Variants in SENP1 observed in about 807,000 individuals in gnomAD.
SENP1 encodes SUMO specific peptidase 1.
Under a neutral mutation model 93.0 loss-of-function variants are expected in SENP1, and 21 were observed. The observed-to-expected ratio is 0.23, with a 90% CI of 0.16 to 0.33. The LOEUF (loss-of-function observed/expected upper bound fraction) is 0.33, where lower values mean the gene tolerates loss of function less well. Ranked by LOEUF, SENP1 falls within the 10% of genes least tolerant of loss-of-function variation. The pLI is 1.00. For missense variants in SENP1, 591 were observed against 758.7 expected (o/e 0.78, Z 2.60); for synonymous variants, 256 against 259.6 (o/e 0.99, Z 0.13).
chr12:48,100,015 G>A (rs373768591), intron 2 of SENP1, among the ~76,000 whole-genome samples: 169 of 152,246 alleles, frequency 1.1e-3, no homozygotes, highest in Non-Finnish European at 2.0e-3. Flanking sequence ...TCAGCAATGA[G>A]AGAAAATGGA....
intron 13 of SENP1, among the ~76,000 whole-genome samples, chr12:48,051,000 C>T (rs186502987): frequency 1.3e-5 from 2 of 150,170 alleles, no homozygotes; most frequent in Admixed American, 6.7e-5. Flanking sequence ...GAGATAAGGA[C>T]GGTGAAGCAC....
chr12:48,089,182 C>A, intron 4 of SENP1: 1 of 1,522,544 alleles, frequency 6.6e-7, no homozygotes, highest in Non-Finnish European at 8.8e-7. Flanking sequence ...GATGAAGGAG[C>A]TGAATCCTGC....
In SENP1 at chr12:48,104,269, G is replaced by C. The variant is rs958990338; in HGVS notation, c.-45+1759C>G. ...GAGAGAGAGAGACGGGGGGGGGGGG[G>C]GGGGCGGAGGGAGGGAGAGAGAGAG... On this transcript the variant is annotated intron_variant, in intron 1 of 17. Transcript: ENST00000549518. Among the ~76,000 whole-genome samples, 40 of 75,362 alleles carry C rather than the reference G, an allele frequency of 5.3e-4. 4 individuals are homozygous for C. In the East Asian group the frequency reaches 7.4e-3, roughly 14 times the overall value. 49.4% of individuals were successfully genotyped at this position (75,362 alleles called of 152,430 possible).
chr12:48,043,170 T>C lies in SENP1; in HGVS notation c.*2152A>G, dbSNP rs1941107159. On this transcript the variant is annotated 3_prime_UTR_variant, in exon 18 of 18. Transcript: ENST00000549518. ...ACTTCTACCTTGTGCAAAACTGCAT[T>C]AGTCAGAAAGGGGGCCCAAATTCAG... 6.6e-6 allele frequency: 1 copy of C among 152,618 alleles called. No homozygotes were observed. Among genetic ancestry groups the C allele is most frequent in the South Asian group, 2.1e-4 (1 of 4,830 alleles). The allele number at this position is 152,618 out of a possible 1,614,324, so 9.5% of individuals were successfully genotyped here.
intron 9 of SENP1, among the ~76,000 whole-genome samples, chr12:48,071,232 C>T (rs763785719): frequency 8.6e-4 from 131 of 152,182 alleles, no homozygotes; most frequent in Middle Eastern, 6.8e-3. Context: ...TCAAGTAATA[C>T]GTGAGAAAGG....
intron 1 of SENP1, 189 bp downstream of exon 1, chr12:48,105,839 C>G: frequency 1.7e-6 from 1 of 597,022 alleles, no homozygotes; most frequent in Non-Finnish European, 3.0e-6. Context: ...GCGGCCACAG[C>G]GCGGCCACCG....
At chr12:48,089,314 C>T in intron 4 of SENP1, 1 of 1,354,914 alleles carries the variant, frequency 7.4e-7, no homozygotes, top group Non-Finnish European at 9.7e-7. Context: ...GTAGGCCAGA[C>T]CAGTAAGAAA....
intron 8 of SENP1, among the ~76,000 whole-genome samples, chr12:48,072,675 G>A (rs1052688437): frequency 1.3e-5 from 2 of 151,960 alleles, no homozygotes; most frequent in Admixed American, 6.6e-5. Flanking sequence ...AAGTGAAAAG[G>A]TTAAAGTTTT....
chr12:48,062,225 G>A (rs1943004779), intron 13 of SENP1, among the ~76,000 whole-genome samples: 1 of 152,124 alleles, frequency 6.6e-6, no homozygotes, highest in South Asian at 2.1e-4. Flanking sequence ...TAGAGTAACT[G>A]ACCTCGCACC....
At chr12:48,059,462 T>C (rs973847515) in intron 13 of SENP1, among the ~76,000 whole-genome samples, 7 of 152,196 alleles carry the variant, frequency 4.6e-5, no homozygotes, top group African/African-American at 1.7e-4. Flanking sequence ...TATCTTCCAT[T>C]TCTCTCCTCA....
intron 2 of SENP1, among the ~76,000 whole-genome samples, chr12:48,100,452 G>A (rs746810723): frequency 6.6e-6 from 1 of 152,098 alleles, no homozygotes; most frequent in African/African-American, 2.4e-5. Flanking sequence ...CCAACATGGC[G>A]AAACCCCATC....
chr12:48,069,955 T>C (rs1183490284), intron 9 of SENP1, among the ~76,000 whole-genome samples: 1 of 152,210 alleles, frequency 6.6e-6, no homozygotes, highest in African/African-American at 2.4e-5. Flanking sequence ...AAAACTGATA[T>C]TATTCTCATC....
chr12:48,076,385 C>T (rs75350487), intron 6 of SENP1, among the ~76,000 whole-genome samples: 4,355 of 152,208 alleles, frequency 0.029, 212 homozygotes, highest in African/African-American at 0.096. Flanking sequence ...AGTGCAGGTG[C>T]GCCATATCGG....
intron 13 of SENP1, among the ~76,000 whole-genome samples, chr12:48,060,632 T>G (rs968331419): frequency 6.6e-6 from 1 of 152,198 alleles, no homozygotes; most frequent in Non-Finnish European, 1.5e-5. Flanking sequence ...CACCCTGTAG[T>G]AGAGTGCAGT....
At chr12:48,097,275 T>A (rs904342431) in intron 3 of SENP1, among the ~76,000 whole-genome samples, 2 of 152,184 alleles carry the variant, frequency 1.3e-5, no homozygotes, top group Non-Finnish European at 2.9e-5. Flanking sequence ...ATACCCTGAG[T>A]ACATATCTGG....
Position 48,088,791 on chromosome 12 carries a change from A to C in SENP1, c.380+10T>G, listed in dbSNP as rs114343641. ...GAAGGGCTTGAGAACTAAGATGACA[A>C]AATACGAACCTTGAGGTCTTTCGGG... On this transcript the variant is annotated intron_variant, in intron 5 of 17. Coordinates refer to ENST00000549518, the MANE Select transcript of SENP1 (RefSeq NM_001267594.2). 3,369 of 1,607,590 alleles carry C rather than the reference A, an allele frequency of 2.1e-3. 65 individuals are homozygous for C. The African/African-American group carries it at 0.038, about 18-fold the overall frequency.
At chr12:48,069,419 A>G (rs1393168221) in intron 9 of SENP1, among the ~76,000 whole-genome samples, 4 of 152,194 alleles carry the variant, frequency 2.6e-5, no homozygotes, top group Non-Finnish European at 5.9e-5. Flanking sequence ...GACAAAGAGC[A>G]TTGCTCAAAC....
At chr12:48,099,079 T>C (rs1945749646) in intron 2 of SENP1, 1 of 152,012 alleles carries the variant, frequency 6.6e-6, no homozygotes, top group Non-Finnish European at 1.5e-5. Flanking sequence ...ACTAGCACTT[T>C]GGGAGGCTGA....
intron 1 of SENP1, chr12:48,105,217 G>A (rs1331112749): frequency 2.8e-6 from 1 of 361,406 alleles, no homozygotes; most frequent in Non-Finnish European, 5.5e-6. Context: ...CAAATATGAA[G>A]TAAAATGACT....
Sources: gnomAD v4.1 joint callset for allele counts (sites outside exome capture counted in the v4.1 genomes callset) on GRCh38, gnomAD v4.1.1 for gene constraint, MANE v1.5 for transcripts, NCBI Gene and HGNC (gene_info 2026-07-23, HGNC 2026-07-21) for gene names.